The following CYFIP2 variants were observed in gnomAD, a reference collection of about 807,000 sequenced individuals.
CYFIP2 encodes cytoplasmic FMR1 interacting protein 2.
A neutral mutation model predicts 158.7 loss-of-function variants in CYFIP2; 29 were observed. That is an observed-to-expected ratio of 0.18 (90% confidence interval 0.14 to 0.25). The LOEUF is 0.25. Ranked by LOEUF, CYFIP2 falls within the 10% of genes least tolerant of loss-of-function variation. The pLI, the probability that CYFIP2 is intolerant of heterozygous loss-of-function variation, is 1.00. For missense variants in CYFIP2, 852 were observed against 1,639.5 expected (o/e 0.52, Z 8.29); for synonymous variants, 585 against 617.6 (o/e 0.95, Z 0.78).
intron 23 of CYFIP2, chr5:157,343,254 G>A (rs779815770): frequency 1.9e-6 from 3 of 1,614,220 alleles, no homozygotes; most frequent in Admixed American, 1.7e-5. Context: ...CTCTTATCCA[G>A]GGTGTGGAAC....
At position 157,302,830 on chromosome 5, in the gene CYFIP2, G is replaced by A; in HGVS notation, c.606G>A (p.Gln202=). ...TCCTGCGGAAGATGGCAGATCCCCA[G>A]TCTATCCAGGAGTCGCAGAACCTTT... ...AQFLRKMADP[Q]SIQESQNLSM... is the part of the protein sequence containing the mutation. Residue 202 remains glutamine (Q), a synonymous_variant, in exon 7 of 31, where the codon CAG becomes CAA. Coordinates refer to ENST00000620254, the MANE Select transcript of CYFIP2 (RefSeq NM_001037333.3). 4 of 1,587,342 alleles carry A rather than the reference G, an allele frequency of 2.5e-6. No homozygotes were observed. Among genetic ancestry groups the A allele is most frequent in the Non-Finnish European group, 3.4e-6 (4 of 1,166,450 alleles).
intron 15 of CYFIP2, among the ~76,000 whole-genome samples, chr5:157,323,461 T>C (rs562143454): frequency 6.6e-6 from 1 of 152,330 alleles, no homozygotes; most frequent in African/African-American, 2.4e-5. Flanking sequence ...CCCCCTCATG[T>C]TACATGAGAC....
chr5:157,361,282 A>G lies in CYFIP2; in HGVS notation c.2909-186A>G. 1 of 615,218 alleles carries G rather than the reference A, an allele frequency of 1.6e-6. No homozygotes were observed. Among genetic ancestry groups the G allele is most frequent in the East Asian group, 2.9e-5 (1 of 33,912 alleles). The allele number at this position is 615,218 out of a possible 1,614,324, so 38.1% of individuals were successfully genotyped here. On this transcript the variant is annotated intron_variant, in intron 25 of 30. Coordinates refer to ENST00000620254, the MANE Select transcript of CYFIP2 (RefSeq NM_001037333.3). This position sits in a 1 kb window ranked among gnomAD's most constrained non-coding sequence, Gnocchi z 4.4. ...GTTCTGAAAAAGACATGAGCCAGCT[A>G]CTCGAACTTTGTCCAGTACTGAGCC...
At chr5:157,320,832 G>A (rs764740343) in intron 15 of CYFIP2, 30 bp downstream of exon 15, 41 of 1,518,310 alleles carry the variant, frequency 2.7e-5, no homozygotes, top group South Asian at 2.0e-4. Flanking sequence ...GGCCAGCTGC[G>A]TTGACTCAGA....
At chr5:157,309,522 G>A (rs549011628) in intron 9 of CYFIP2, among the ~76,000 whole-genome samples, 53 of 152,304 alleles carry the variant, frequency 3.5e-4, no homozygotes, top group African/African-American at 1.1e-3. Context: ...TCTGGGCTCC[G>A]TTGCCTAGAA....
chr5:157,354,048 A>C (rs1425181904), intron 23 of CYFIP2, among the ~76,000 whole-genome samples: 1 of 152,234 alleles, frequency 6.6e-6, no homozygotes, highest in Non-Finnish European at 1.5e-5. Flanking sequence ...TTTAAAGTTC[A>C]TCTACAGATA....
intron 20 of CYFIP2, among the ~76,000 whole-genome samples, chr5:157,332,653 A>G (rs1021744099): frequency 2.0e-5 from 3 of 152,030 alleles, no homozygotes; most frequent in Admixed American, 6.5e-5. Context: ...ATCTTTATTT[A>G]TTTTTTAAGA....
At chr5:157,268,758 C>T (rs1296882338) in intron 1 of CYFIP2, among the ~76,000 whole-genome samples, 1 of 152,196 alleles carries the variant, frequency 6.6e-6, no homozygotes, top group African/African-American at 2.4e-5. Flanking sequence ...AGACATCAGT[C>T]ACCTCACTGG....
chr5:157,314,536 A>G, intron 12 of CYFIP2, 73 bp downstream of exon 12: 1 of 1,542,638 alleles, frequency 6.5e-7, no homozygotes, highest in Non-Finnish European at 8.7e-7. Context: ...TCCCCCTAGC[A>G]CTCTCTTTTT....
Position 157,266,678 on chromosome 5 carries a change from C to T in CYFIP2, c.-24+483C>T, listed in dbSNP as rs565269065. On this transcript the variant is annotated intron_variant, in intron 1 of 30. Coordinates refer to ENST00000620254, the MANE Select transcript of CYFIP2 (RefSeq NM_001037333.3). This position sits in a 1 kb window ranked among gnomAD's most constrained non-coding sequence, Gnocchi z 4.2. ...GCCGCCTGGGCCCGCCTGGCAGCCG[C>T]CTCGGGCACACAGAACGTGTGATGG... 1.3e-3 allele frequency: 199 copies of T among 152,842 alleles called. 2 individuals are homozygous for T. Among genetic ancestry groups the T allele is most frequent in the African/African-American group, 4.4e-3 (184 of 41,570 alleles). 9.5% of individuals were successfully genotyped at this position (152,842 alleles called of 1,614,324 possible). A position where few individuals can be genotyped will look rare whatever the true frequency, so the allele number is the denominator to read the frequency against.
Position 157,382,671 on chromosome 5 carries a change from CCACTA to C in CYFIP2, c.3112+12_3112+16del, listed in dbSNP as rs1766243665. The C allele has an allele frequency of 6.2e-7, 1 of 1,613,368 alleles. No individual in the cohort carries two copies. The highest frequency in any genetic ancestry group is 8.5e-7 in the Non-Finnish European group (1 of 1,179,578). ...TAGAGTCTACATCAAAGGTAAGAAACCACTACAGCAGCTGAATAGCCAACTGGCGT... is the reference window on the plus strand; with the variant it reads ...TAGAGTCTACATCAAAGGTAAGAAACCAGCAGCTGAATAGCCAACTGGCGT... On this transcript the variant is annotated intron_variant, in intron 27 of 30. Coordinates refer to ENST00000620254, the MANE Select transcript of CYFIP2 (RefSeq NM_001037333.3).
rs542864105 is a variant in CYFIP2 at position 157,360,213 on chromosome 5, C to T, written c.2818-69C>T. On this transcript the variant is annotated intron_variant, in intron 24 of 30. Coordinates refer to ENST00000620254, the MANE Select transcript of CYFIP2 (RefSeq NM_001037333.3). ...GAGCCTGCCCCATCCTCTCAGAGGT[C>T]TCAGCATAACCTCCATACCCCGCAT... The T allele has an allele frequency of 2.3e-6, 3 of 1,325,674 alleles. No homozygotes were observed. In the African/African-American group the frequency reaches 4.4e-5, roughly 19 times the overall value. The allele number at this position is 1,325,674 out of a possible 1,614,324, so 82.1% of individuals were successfully genotyped here.
chr5:157,291,533 T>C (rs554340140), intron 3 of CYFIP2, among the ~76,000 whole-genome samples: 117 of 152,328 alleles, frequency 7.7e-4, no homozygotes, highest in African/African-American at 2.6e-3. Context: ...ACTGAATGCA[T>C]GAGTCGGAAT....
In CYFIP2 at chr5:157,325,514, C is replaced by T. The variant is rs1281329663; in HGVS notation, c.1858C>T (p.Leu620Phe). 2 of 1,613,468 alleles carry T rather than the reference C, an allele frequency of 1.2e-6. No homozygotes were observed. The highest frequency in any genetic ancestry group is 8.5e-7 in the Non-Finnish European group (1 of 1,179,640). ...GCAGCAGTGTTGTGACCTCTCCCAGCTCTGGTTCCGAGAATTCTTCCTGGA... is the reference window on the plus strand; with the variant it reads ...GCAGCAGTGTTGTGACCTCTCCCAGTTCTGGTTCCGAGAATTCTTCCTGGA... ...ALQQCCDLSQLWFREFFLELT... is the reference protein window; with the variant it reads ...ALQQCCDLSQFWFREFFLELT... Residue 620 changes from leucine (L) to phenylalanine (F), a missense_variant, in exon 17 of 31, where the codon CTC becomes TTC. Around this residue, in one of 8 missense-constraint regions of CYFIP2, gnomAD observed 167 missense variants for 343.3 expected, o/e 0.49. Transcript: ENST00000620254.
intron 1 of CYFIP2, among the ~76,000 whole-genome samples, chr5:157,277,619 A>C (rs920268555): frequency 1.3e-5 from 2 of 152,326 alleles, no homozygotes; most frequent in East Asian, 1.9e-4. Flanking sequence ...TTTCACATGC[A>C]TGGTTCTACT....
intron 23 of CYFIP2, 101 bp from the exon 24 acceptor site, chr5:157,358,904 C>T: frequency 1.3e-6 from 2 of 1,483,942 alleles, no homozygotes. Context: ...ACGCTCGTAA[C>T]ACTGGGTTCC....
intron 28 of CYFIP2, among the ~76,000 whole-genome samples, chr5:157,386,927 T>TAAA (rs554742130): frequency 3.0e-5 from 4 of 132,472 alleles, no homozygotes; most frequent in African/African-American, 1.1e-4. Flanking sequence ...CTCGAAGATT[T>TAAA]AAAAAAAAAA....
intron 5 of CYFIP2, among the ~76,000 whole-genome samples, chr5:157,297,145 C>G (rs965932900): frequency 1.2e-4 from 18 of 152,222 alleles, no homozygotes; most frequent in Non-Finnish European, 2.4e-4. Context: ...AGCTGAGACT[C>G]AGAGAGAGAG....
intron 1 of CYFIP2, among the ~76,000 whole-genome samples, chr5:157,267,955 G>A (rs1230554932): frequency 6.6e-6 from 1 of 152,228 alleles, no homozygotes; most frequent in African/African-American, 2.4e-5. Context: ...ATGTGCATGC[G>A]TGCATGTTTG....
Sources: allele counts gnomAD v4.1 joint callset (sites outside exome capture counted in the v4.1 genomes callset), GRCh38; gene constraint gnomAD v4.1.1; regional missense constraint gnomAD v4.1.1; non-coding constraint Gnocchi (gnomAD v3.1); transcripts MANE v1.5; gene names NCBI Gene and HGNC (gene_info 2026-07-23, HGNC 2026-07-21).